Variants in KCNT2 observed in about 807,000 individuals in gnomAD.
The protein encoded by KCNT2 is potassium sodium-activated channel subfamily T member 2.
KCNT2 carries 67 observed loss-of-function variants against 153.8 expected under a neutral mutation model. The observed-to-expected ratio is 0.44, with a 90% CI of 0.36 to 0.53. The LOEUF (loss-of-function observed/expected upper bound fraction) is 0.53, where lower values mean the gene tolerates loss of function less well. Among genes scored for constraint, KCNT2 ranks in the 20% least tolerant of loss-of-function variants. KCNT2 has a pLI of 0.00. For missense variants in KCNT2, 975 were observed against 1,354.8 expected, an observed-to-expected ratio of 0.72 and a Z score of 4.40; for synonymous variants, 500 against 458.8, an observed-to-expected ratio of 1.09 and a Z score of -1.15.
intron 12 of KCNT2, 25 bp from the exon 13 acceptor site, chr1:196,398,696 C>T (rs1388455834): frequency 1.7e-6 from 2 of 1,176,456 alleles, no homozygotes; most frequent in Non-Finnish European, 2.5e-6. Context: ...ATAAAAACAT[C>T]ATAGCATAAG....
intron 22 of KCNT2, among the ~76,000 whole-genome samples, 189 bp downstream of exon 22, chr1:196,305,045 A>C (rs1289406649): frequency 6.6e-6 from 1 of 152,196 alleles, no homozygotes; most frequent in Admixed American, 6.5e-5. Flanking sequence ...TTTACCTGTG[A>C]TATAAATCGT....
At chr1:196,563,114 A>G (rs993346420) in intron 1 of KCNT2, among the ~76,000 whole-genome samples, 3 of 152,034 alleles carry the variant, frequency 2.0e-5, no homozygotes, top group Non-Finnish European at 4.4e-5. Context: ...AAAATGTAGG[A>G]ACCTTACTCT....
intron 14 of KCNT2, among the ~76,000 whole-genome samples, chr1:196,372,362 G>A (rs1668610880): frequency 6.6e-6 from 1 of 151,770 alleles, no homozygotes; most frequent in African/African-American, 2.4e-5. Context: ...CTTAATATGA[G>A]TAATCATAAC....
intron 8 of KCNT2, among the ~76,000 whole-genome samples, chr1:196,441,259 C>T (rs1675197649): frequency 6.6e-6 from 1 of 151,650 alleles, no homozygotes; most frequent in South Asian, 2.1e-4. Flanking sequence ...CCCCATTTTG[C>T]AGTATCTAGA....
At chr1:196,441,358 A>C (rs1675207959) in intron 8 of KCNT2, among the ~76,000 whole-genome samples, 1 of 151,110 alleles carries the variant, frequency 6.6e-6, no homozygotes, top group East Asian at 1.9e-4. Context: ...TTCACTTCTT[A>C]AGTCTCATTT....
chr1:196,329,413 T>C (rs761583654), intron 18 of KCNT2, among the ~76,000 whole-genome samples: 1 of 152,108 alleles, frequency 6.6e-6, no homozygotes, highest in Non-Finnish European at 1.5e-5. Context: ...TATCCTCTTA[T>C]TGTGCCTCCA....
At chr1:196,341,986 T>C in intron 15 of KCNT2, 93 bp downstream of exon 15, 1 of 1,331,968 alleles carries the variant, frequency 7.5e-7, no homozygotes, top group East Asian at 2.4e-5. Context: ...CCTAAACACA[T>C]GAACACAATA....
intron 1 of KCNT2, among the ~76,000 whole-genome samples, chr1:196,571,589 T>C (rs1363662335): frequency 6.6e-6 from 1 of 152,148 alleles, no homozygotes; most frequent in African/African-American, 2.4e-5. Context: ...AGTTTACCTC[T>C]ATTGTGGAAC....
At chr1:196,561,270 CAA>C (rs1357192622) in intron 1 of KCNT2, among the ~76,000 whole-genome samples, 2 of 150,710 alleles carry the variant, frequency 1.3e-5, no homozygotes, top group East Asian at 3.9e-4. Flanking sequence ...AAAAAATGGT[CAA>C]AGTTTTAGGA....
At chr1:196,421,818 T>G (rs962194807) in intron 12 of KCNT2, among the ~76,000 whole-genome samples, 1 of 152,002 alleles carries the variant, frequency 6.6e-6, no homozygotes, top group Admixed American at 6.6e-5. Context: ...GGGTTGGATC[T>G]TCCTGAGAGC....
At chr1:196,335,090 T>C (rs1023828877) in intron 16 of KCNT2, among the ~76,000 whole-genome samples, 1 of 152,182 alleles carries the variant, frequency 6.6e-6, no homozygotes, top group African/African-American at 2.4e-5. Context: ...AAATTGAGGT[T>C]CCTCTCCTTC....
chr1:196,272,996 A>G (rs917555599), intron 25 of KCNT2, among the ~76,000 whole-genome samples: 4 of 151,922 alleles, frequency 2.6e-5, no homozygotes, highest in African/African-American at 7.2e-5. Flanking sequence ...AAGAATATTT[A>G]CATACACCAT....
At chr1:196,359,811 G>C (rs1335990644) in intron 14 of KCNT2, among the ~76,000 whole-genome samples, 1 of 151,656 alleles carries the variant, frequency 6.6e-6, no homozygotes, top group Admixed American at 6.6e-5. Flanking sequence ...GATGTAGAAG[G>C]CGGAAACCAC....
intron 5 of KCNT2, among the ~76,000 whole-genome samples, chr1:196,477,462 C>A (rs530172992): frequency 6.6e-6 from 1 of 151,854 alleles, no homozygotes; most frequent in Non-Finnish European, 1.5e-5. Context: ...GCAGTGTGCA[C>A]GTATAGTCTC....
At chr1:196,348,583 C>T (rs1666337982) in intron 14 of KCNT2, among the ~76,000 whole-genome samples, 1 of 152,070 alleles carries the variant, frequency 6.6e-6, no homozygotes, top group South Asian at 2.1e-4. Flanking sequence ...AGTTTATGTC[C>T]ACATTTGTTT....
intron 1 of KCNT2, among the ~76,000 whole-genome samples, chr1:196,606,145 C>T (rs994374404): frequency 1.6e-4 from 25 of 152,132 alleles, no homozygotes; most frequent in African/African-American, 5.1e-4. Context: ...GTTAGTTCTG[C>T]GCCTCTCCAT....
chr1:196,367,825 T>C (rs1668171260), intron 14 of KCNT2, among the ~76,000 whole-genome samples: 1 of 152,142 alleles, frequency 6.6e-6, no homozygotes, highest in Non-Finnish European at 1.5e-5. Flanking sequence ...TCTGACCAAT[T>C]ATATGTTAAA....
intron 9 of KCNT2, 82 bp from the exon 10 acceptor site, chr1:196,428,351 G>C: frequency 1.0e-6 from 1 of 985,950 alleles, no homozygotes; most frequent in Middle Eastern, 2.2e-4. Context: ...TGTTTATTAG[G>C]TATTTTCAAT....
chr1:196,383,001 T>C (rs1373846363), intron 13 of KCNT2, among the ~76,000 whole-genome samples: 1 of 151,782 alleles, frequency 6.6e-6, no homozygotes, highest in Non-Finnish European at 1.5e-5. Context: ...TCAAAAGCTA[T>C]GGGAAAAAAA....
Sources: gnomAD v4.1 joint callset for allele counts (sites outside exome capture counted in the v4.1 genomes callset) on GRCh38, gnomAD v4.1.1 for gene constraint, MANE v1.5 for transcripts, NCBI Gene and HGNC (gene_info 2026-07-23, HGNC 2026-07-21) for gene names.